ABCA13: variants seen among roughly 807,000 people sequenced by gnomAD.
The protein encoded by ABCA13 is ATP binding cassette subfamily A member 13, also known as ATP-binding cassette sub-family A member 13.
A neutral mutation model predicts 478.7 loss-of-function variants in ABCA13; 476 were observed. The ratio of observed to expected loss-of-function variants is 0.99; its 90% confidence interval spans 0.92 to 1.07. The LOEUF is 1.07. Ranked by LOEUF, ABCA13 falls within the 50% of genes least tolerant of loss-of-function variation. The pLI is 0.00. For missense variants in ABCA13, 6,060 were observed against 5,910.6 expected, an observed-to-expected ratio of 1.03 and a Z score of -0.83; for synonymous variants, 2,252 against 2,158.9, an observed-to-expected ratio of 1.04 and a Z score of -1.20.
chr7:48,644,833 C>T (rs375061050), intron 61 of ABCA13, 79 bp downstream of exon 61: 18 of 1,327,016 alleles, frequency 1.4e-5, no homozygotes, highest in African/African-American at 1.2e-4. Context: ...TAAAATTAAT[C>T]GAATTGCTTC....
chr7:48,597,312 C>G (rs118184815), intron 58 of ABCA13, among the ~76,000 whole-genome samples: 3,793 of 152,294 alleles, frequency 0.025, 61 homozygotes, highest in South Asian at 0.064. Flanking sequence ...CCTTTTCATT[C>G]CAAACGGTAT....
At chr7:48,247,382 T>C (rs572165541) in intron 13 of ABCA13, among the ~76,000 whole-genome samples, 2 of 152,340 alleles carry the variant, frequency 1.3e-5, no homozygotes, top group South Asian at 4.1e-4. Context: ...TATTTTTATC[T>C]GTAAAGTCTA....
intron 42 of ABCA13, among the ~76,000 whole-genome samples, chr7:48,449,675 T>C (rs1474156803): frequency 6.6e-6 from 1 of 152,224 alleles, no homozygotes; most frequent in Non-Finnish European, 1.5e-5. Flanking sequence ...TGTTAAGGTT[T>C]CCATGCAGCT....
chr7:48,493,633 C>T (rs972977131), intron 48 of ABCA13, among the ~76,000 whole-genome samples: 3 of 152,142 alleles, frequency 2.0e-5, no homozygotes, highest in Non-Finnish European at 2.9e-5. Context: ...TTCATCCAAA[C>T]CTTGGCATGC....
intron 20 of ABCA13, among the ~76,000 whole-genome samples, chr7:48,289,325 T>A (rs1363744015): frequency 6.6e-6 from 1 of 151,004 alleles, no homozygotes; most frequent in African/African-American, 2.4e-5. Flanking sequence ...AGGTATTAAA[T>A]GTGGATACAG....
In ABCA13 at chr7:48,580,329, T is replaced by C. The variant is rs770144534; in HGVS notation, c.14460T>C (p.Tyr4820=). 13 of 1,613,142 alleles carry C rather than the reference T, an allele frequency of 8.1e-6. No homozygotes were observed. The highest frequency in any genetic ancestry group is 1.0e-5 in the Non-Finnish European group (12 of 1,179,596). The change falls in exon 56 of 62, where the codon TAT becomes TAC. Residue 4820 remains tyrosine (Y), a synonymous_variant. Coordinates refer to ENST00000435803, the MANE Select transcript of ABCA13 (RefSeq NM_152701.5). ...TTCTGACTGGTTGGGAACATCTCTA[T>C]TATTACTGTAGCTTACGCGGGATTC... ...DELLTGWEHL[Y]YYCSLRGIPR...
At chr7:48,380,141 GT>G (rs1814116439) in intron 35 of ABCA13, among the ~76,000 whole-genome samples, 1 of 152,166 alleles carries the variant, frequency 6.6e-6, no homozygotes, top group Non-Finnish European at 1.5e-5. Flanking sequence ...ATCTCAATGT[GT>G]AATTTTCACC....
chr7:48,503,163 T>G (rs1830906206), intron 48 of ABCA13, among the ~76,000 whole-genome samples: 1 of 152,200 alleles, frequency 6.6e-6, no homozygotes, highest in Admixed American at 6.5e-5. Flanking sequence ...CATGGTTCAC[T>G]GCAGCCTCAG....
At chr7:48,466,458 A>C (rs35987825) in intron 43 of ABCA13, among the ~76,000 whole-genome samples, 5,344 of 152,336 alleles carry the variant, frequency 0.035, 142 homozygotes, top group South Asian at 0.13. Flanking sequence ...ATGTAGCTCA[A>C]TGTAGCTCAC....
chr7:48,643,225 T>G, intron 59 of ABCA13, 63 bp from the exon 60 acceptor site: 1 of 1,095,424 alleles, frequency 9.1e-7, no homozygotes, highest in Non-Finnish European at 1.3e-6. Context: ...AAAATGGACT[T>G]AGAATTTACT....
Position 48,294,895 on chromosome 7 carries a change from C to T in ABCA13, c.8956-805C>T, listed in dbSNP as rs989444335. On this transcript the variant is annotated intron_variant, in intron 20 of 61. Transcript: ENST00000435803. ...CAGTGGCATAATTTCCTTCTTTTTA[C>T]AGCTGAATAATATTTTATTGTATAT... Among the ~76,000 whole-genome samples, 4 of 152,216 alleles carry T rather than the reference C, an allele frequency of 2.6e-5. No homozygotes were observed. The East Asian group carries it at 7.7e-4, about 29-fold the overall frequency.
At chr7:48,622,209 C>G (rs1793204766) in intron 59 of ABCA13, among the ~76,000 whole-genome samples, 1 of 152,172 alleles carries the variant, frequency 6.6e-6, no homozygotes, top group Non-Finnish European at 1.5e-5. Flanking sequence ...CATTCTTCAG[C>G]TGTCCTTCCT....
chr7:48,250,762 C>T (rs1407378867), intron 15 of ABCA13, among the ~76,000 whole-genome samples: 1 of 152,180 alleles, frequency 6.6e-6, no homozygotes, highest in African/African-American at 2.4e-5. Flanking sequence ...GTAAAACTTG[C>T]ACTTCTGACC....
At chr7:48,343,650 A>C (rs1199523498) in intron 29 of ABCA13, among the ~76,000 whole-genome samples, 2 of 151,802 alleles carry the variant, frequency 1.3e-5, no homozygotes, top group African/African-American at 4.8e-5. Context: ...TATATGGATA[A>C]GTTCTTTAGT....
rs545491757 is a variant in ABCA13 at position 48,337,218 on chromosome 7, A to G, written c.10114-1147A>G. Among the ~76,000 whole-genome samples, 11 of 152,242 alleles carry G rather than the reference A, an allele frequency of 7.2e-5. No homozygotes were observed. In the South Asian group the frequency reaches 2.3e-3, roughly 32 times the overall value. ...GTTGCAGGCCTGGTTCTGCCACTAG[A>G]TGGAGTGGTTAGAGTCTCTGAGGAA... On this transcript the variant is annotated intron_variant, in intron 28 of 61. Coordinates refer to ENST00000435803, the MANE Select transcript of ABCA13 (RefSeq NM_152701.5).
At chr7:48,493,644 C>G (rs1830029538) in intron 48 of ABCA13, among the ~76,000 whole-genome samples, 1 of 152,088 alleles carries the variant, frequency 6.6e-6, no homozygotes, top group Admixed American at 6.5e-5. Flanking sequence ...CTTGGCATGC[C>G]AGTAATGAAA....
intron 29 of ABCA13, among the ~76,000 whole-genome samples, chr7:48,349,163 A>C (rs1051920706): frequency 6.6e-6 from 1 of 152,238 alleles, no homozygotes; most frequent in Admixed American, 6.5e-5. Context: ...ATACAGTGAC[A>C]CTTCACTATT....
chr7:48,232,469 G>T (rs1789292686), intron 7 of ABCA13, among the ~76,000 whole-genome samples: 1 of 152,030 alleles, frequency 6.6e-6, no homozygotes, highest in East Asian at 1.9e-4. Context: ...CAAAGCTAAG[G>T]AACACTATTA....
intron 27 of ABCA13, 132 bp from the exon 28 acceptor site, chr7:48,335,290 T>C: frequency 1.7e-6 from 1 of 587,782 alleles, no homozygotes; most frequent in Non-Finnish European, 2.9e-6. Context: ...TTCATGTTAT[T>C]GAGGAAGGCA....
Sources: gnomAD v4.1 joint callset for allele counts (sites outside exome capture counted in the v4.1 genomes callset) on GRCh38, gnomAD v4.1.1 for gene constraint, MANE v1.5 for transcripts, NCBI Gene and HGNC (gene_info 2026-07-23, HGNC 2026-07-21) for gene names.